Variants in NRXN1 observed in about 807,000 individuals in gnomAD.
NRXN1 encodes neurexin-1.
NRXN1 carries 39 observed loss-of-function variants against 150.9 expected under a neutral mutation model. That is an observed-to-expected ratio of 0.26 (90% CI 0.20 to 0.34). NRXN1 has a LOEUF of 0.34. NRXN1 is among the 10% of genes least tolerant of loss of function. The pLI is 1.00. For synonymous variants in NRXN1, 924 were observed against 757.0 expected, an observed-to-expected ratio of 1.22 and a Z score of -3.62; for missense variants, 1,815 against 1,949.9, an observed-to-expected ratio of 0.93 and a Z score of 1.30.
chr2:50,242,332 C>T (rs1244791953), intron 17 of NRXN1, among the ~76,000 whole-genome samples: 1 of 151,796 alleles, frequency 6.6e-6, no homozygotes, highest in Non-Finnish European at 1.5e-5. Context: ...GAGAAGACCA[C>T]ATTGTATGCA....
intron 17 of NRXN1, among the ~76,000 whole-genome samples, chr2:50,443,728 G>T (rs888933437): frequency 1.3e-5 from 2 of 152,062 alleles, no homozygotes; most frequent in African/African-American, 2.4e-5. Flanking sequence ...CTTAAAGAAG[G>T]TCTTCAAACT....
rs1391176164 is a variant in NRXN1 at position 50,620,240 on chromosome 2, C to T, written c.1159-57G>A. ...TATACTCAGACCTAGATACTGTAAT[C>T]CTGGGATATGCCTGTTTTGTGTTTT... is the stretch of plus-strand genomic sequence containing the variant. On this transcript the variant is annotated intron_variant, in intron 7 of 22. Transcript: ENST00000401669. The T allele has an allele frequency of 1.2e-5, 18 of 1,522,284 alleles. No individual in the cohort carries two copies. In the East Asian group the frequency reaches 3.9e-4, roughly 33 times the overall value. The allele number at this position is 1,522,284 out of a possible 1,614,324, so 94.3% of individuals were successfully genotyped here.
At chr2:50,673,148 C>G (rs1689087999) in intron 5 of NRXN1, among the ~76,000 whole-genome samples, 1 of 151,962 alleles carries the variant, frequency 6.6e-6, no homozygotes, top group Admixed American at 6.6e-5. Flanking sequence ...AAGATGCCAG[C>G]TCTCAGATTT....
At chr2:50,785,805 A>G (rs1705037314) in intron 5 of NRXN1, among the ~76,000 whole-genome samples, 1 of 152,072 alleles carries the variant, frequency 6.6e-6, no homozygotes, top group Non-Finnish European at 1.5e-5. Context: ...TAAAGCATGT[A>G]ATGATGGATT....
intron 21 of NRXN1, among the ~76,000 whole-genome samples, chr2:50,027,475 C>G (rs1016298909): frequency 2.7e-5 from 4 of 150,198 alleles, no homozygotes; most frequent in Admixed American, 1.3e-4. Flanking sequence ...CAGTGTCTCA[C>G]TTTGTCTCCA....
chr2:50,860,931 C>T (rs181811533), intron 5 of NRXN1, among the ~76,000 whole-genome samples: 1 of 152,078 alleles, frequency 6.6e-6, no homozygotes, highest in East Asian at 1.9e-4. Flanking sequence ...ACGTTGTTGC[C>T]TAGTTCTCTC....
chr2:50,861,545 C>T (rs952325388), intron 5 of NRXN1, among the ~76,000 whole-genome samples: 8 of 152,040 alleles, frequency 5.3e-5, no homozygotes, highest in African/African-American at 1.9e-4. Flanking sequence ...AGTTTGAGAT[C>T]AGATTTTAAG....
At chr2:50,502,216 A>C (rs2091982203) in intron 13 of NRXN1, among the ~76,000 whole-genome samples, 1 of 135,298 alleles carries the variant, frequency 7.4e-6, no homozygotes, top group South Asian at 2.4e-4. Flanking sequence ...GGAAGAAAGA[A>C]AGGAAAGAAG....
At position 50,177,770 on chromosome 2, in the gene NRXN1, ACTAACTCTCTCT is replaced by A. The variant is rs1211165609; in HGVS notation, c.3546+59007_3546+59018del. ...CATTCAATTGTAGCTAAACTAACTA[ACTAACTCTCTCT>A]CTCTCTCTCTCTCTCTCTCTCTCTC... On this transcript the variant is annotated intron_variant, in intron 18 of 22. Transcript: ENST00000401669. Among the ~76,000 whole-genome samples the A allele has an allele frequency of 5.9e-4, 63 of 107,186 alleles. 1 individual carries two copies. The highest frequency in any genetic ancestry group is 2.1e-3 in the African/African-American group (61 of 28,504). The allele number at this position is 107,186 out of a possible 152,430, so 70.3% of individuals were successfully genotyped here.
intron 5 of NRXN1, among the ~76,000 whole-genome samples, chr2:50,705,596 T>C (rs982372635): frequency 6.6e-6 from 1 of 152,192 alleles, no homozygotes; most frequent in Non-Finnish European, 1.5e-5. Flanking sequence ...ACCAATGCAG[T>C]TGGATTATTT....
chr2:50,605,683 A>G (rs1208215127), intron 8 of NRXN1, among the ~76,000 whole-genome samples: 2 of 152,190 alleles, frequency 1.3e-5, no homozygotes, highest in Non-Finnish European at 2.9e-5. Flanking sequence ...AGCTGTGTAC[A>G]CTGTTAGTGA....
intron 8 of NRXN1, among the ~76,000 whole-genome samples, chr2:50,614,283 C>T (rs928830142): frequency 7.9e-5 from 12 of 152,256 alleles, no homozygotes; most frequent in Non-Finnish European, 1.6e-4. Flanking sequence ...GTAGCCCTCC[C>T]TCCTCTCATC....
At chr2:50,408,127 C>G (rs1290354201) in intron 17 of NRXN1, among the ~76,000 whole-genome samples, 1 of 152,060 alleles carries the variant, frequency 6.6e-6, no homozygotes, top group Non-Finnish European at 1.5e-5. Context: ...ATAAGCCCAG[C>G]CCTCCAAGAT....
At chr2:49,992,558 G>T (rs1346847777) in intron 21 of NRXN1, among the ~76,000 whole-genome samples, 1 of 151,958 alleles carries the variant, frequency 6.6e-6, no homozygotes, top group Non-Finnish European at 1.5e-5. Flanking sequence ...GTGAGACTCT[G>T]TCTCAAAAAA....
At chr2:49,975,144 C>T (rs1484154238) in intron 21 of NRXN1, among the ~76,000 whole-genome samples, 2 of 150,844 alleles carry the variant, frequency 1.3e-5, no homozygotes, top group African/African-American at 4.9e-5. Context: ...TATATACAGT[C>T]TGACAGGGTA....
chr2:50,987,687 T>C (rs753088530), intron 2 of NRXN1, among the ~76,000 whole-genome samples: 6 of 151,974 alleles, frequency 3.9e-5, no homozygotes, highest in African/African-American at 1.2e-4. Flanking sequence ...AGGATGCATA[T>C]GTTCTGTGTT....
At chr2:50,972,429 G>T (rs1001451605) in intron 2 of NRXN1, among the ~76,000 whole-genome samples, 2 of 152,152 alleles carry the variant, frequency 1.3e-5, no homozygotes, top group African/African-American at 2.4e-5. Context: ...GTGACTTAGA[G>T]CAGCGATCCC....
At chr2:49,957,588 G>T (rs1170124403) in intron 21 of NRXN1, among the ~76,000 whole-genome samples, 3 of 152,170 alleles carry the variant, frequency 2.0e-5, no homozygotes, top group African/African-American at 7.2e-5. Flanking sequence ...GACAGCGCTT[G>T]TAAAAGCACC....
chr2:50,973,598 T>C (rs902485328), intron 2 of NRXN1, among the ~76,000 whole-genome samples: 2 of 152,044 alleles, frequency 1.3e-5, no homozygotes, highest in African/African-American at 4.8e-5. Flanking sequence ...ACATATAGAG[T>C]ATATGTATAT....
Sources: allele counts gnomAD v4.1 joint callset (sites outside exome capture counted in the v4.1 genomes callset), GRCh38; gene constraint gnomAD v4.1.1; transcripts MANE v1.5; gene names NCBI Gene and HGNC (gene_info 2026-07-23, HGNC 2026-07-21).